The following CDH18 variants were observed in gnomAD, a reference collection of about 807,000 sequenced individuals.
CDH18 encodes the protein cadherin 18, also known as cadherin-18.
A neutral mutation model predicts 67.9 loss-of-function variants in CDH18; 31 were observed. The observed-to-expected ratio is 0.46, with a 90% CI of 0.34 to 0.62. The LOEUF is 0.62. Among genes scored for constraint, CDH18 ranks in the 20% least tolerant of loss-of-function variants. The pLI, the probability that CDH18 is intolerant of heterozygous loss-of-function variation, is 0.01. For missense variants in CDH18, 890 were observed against 975.5 expected (o/e 0.91, Z 1.17); for synonymous variants, 362 against 347.2 (o/e 1.04, Z -0.48).
At chr5:19,756,871 T>C (rs142493843) in intron 3 of CDH18, among the ~76,000 whole-genome samples, 16 of 152,308 alleles carry the variant, frequency 1.1e-4, no homozygotes, top group African/African-American at 3.8e-4. Context: ...CTTCTATTCC[T>C]TGATTCCCGG....
intron 5 of CDH18, among the ~76,000 whole-genome samples, chr5:19,695,096 TCTGGTGCAGGA>T (rs914600966): frequency 6.6e-6 from 1 of 152,102 alleles, no homozygotes; most frequent in African/African-American, 2.4e-5. Context: ...ACGAGTTTTT[TCTGGTGCAGGA>T]CTGTGTGCAC....
intron 10 of CDH18, among the ~76,000 whole-genome samples, chr5:19,504,579 A>C (rs1743787278): frequency 6.6e-6 from 1 of 152,102 alleles, no homozygotes. Context: ...TTAGTTACTT[A>C]ATACAAAATT....
chr5:19,974,887 G>A (rs984943540), intron 2 of CDH18, among the ~76,000 whole-genome samples: 2 of 152,064 alleles, frequency 1.3e-5, no homozygotes, highest in African/African-American at 4.8e-5. Context: ...AGGAAAGCTG[G>A]GCATGCTCCA....
chr5:19,597,390 A>T (rs549651945), intron 6 of CDH18, among the ~76,000 whole-genome samples: 16 of 152,334 alleles, frequency 1.1e-4, no homozygotes, highest in African/African-American at 3.8e-4. Flanking sequence ...TTTGCAACAC[A>T]GGCATAGATA....
intron 2 of CDH18, among the ~76,000 whole-genome samples, chr5:20,114,495 G>T (rs930702584): frequency 2.6e-5 from 4 of 152,108 alleles, no homozygotes; most frequent in African/African-American, 9.7e-5. Context: ...GAAGCAGGGA[G>T]AAGTCTAGAA....
chr5:20,194,192 T>A (rs12655641), intron 2 of CDH18, among the ~76,000 whole-genome samples: 77,353 of 151,918 alleles, frequency 0.51, 20,073 homozygotes, highest in Middle Eastern at 0.65. Context: ...TTTTTACAGA[T>A]GACATAATTT....
chr5:19,517,171 T>C (rs779611233), intron 10 of CDH18, among the ~76,000 whole-genome samples: 2 of 152,154 alleles, frequency 1.3e-5, no homozygotes, highest in Non-Finnish European at 2.9e-5. Context: ...TGTAGCGATA[T>C]CACATTGTAG....
chr5:19,927,703 A>G (rs1193329523), intron 2 of CDH18, among the ~76,000 whole-genome samples: 1 of 152,162 alleles, frequency 6.6e-6, no homozygotes, highest in Non-Finnish European at 1.5e-5. Flanking sequence ...ATGTATAAAA[A>G]TATTTCATTT....
intron 2 of CDH18, among the ~76,000 whole-genome samples, chr5:20,035,194 T>C (rs1273043996): frequency 5.3e-5 from 8 of 152,068 alleles, no homozygotes; most frequent in Non-Finnish European, 1.5e-5. Flanking sequence ...AGTGCAGTAT[T>C]AGCCATTAAA....
intron 10 of CDH18, among the ~76,000 whole-genome samples, chr5:19,506,800 C>T (rs902333836): frequency 3.9e-5 from 6 of 152,098 alleles, no homozygotes; most frequent in Non-Finnish European, 7.4e-5. Context: ...CCATAAAAAC[C>T]CTAGAAGAAA....
chr5:20,266,481 G>T (rs1745041983), intron 1 of CDH18, among the ~76,000 whole-genome samples: 1 of 151,190 alleles, frequency 6.6e-6, no homozygotes, highest in African/African-American at 2.4e-5. Context: ...TCACCTCACT[G>T]CAATCTCTGC....
intron 1 of CDH18, among the ~76,000 whole-genome samples, chr5:20,503,643 C>T (rs1754471357): frequency 6.6e-6 from 1 of 152,162 alleles, no homozygotes; most frequent in Admixed American, 6.6e-5. Context: ...AGGCAATAGC[C>T]TTCTGAGAGG....
intron 2 of CDH18, among the ~76,000 whole-genome samples, chr5:20,138,797 G>A (rs545517626): frequency 6.0e-4 from 92 of 152,210 alleles, no homozygotes; most frequent in African/African-American, 2.0e-3. Context: ...ACAAACCACT[G>A]CTCAATGAAA....
intron 10 of CDH18, among the ~76,000 whole-genome samples, chr5:19,516,099 G>A (rs1337532924): frequency 2.6e-5 from 4 of 152,078 alleles, no homozygotes; most frequent in East Asian, 3.9e-4. Context: ...TGCATCTATC[G>A]AGATAATTAT....
chr5:20,524,699 C>T (rs1011448083), intron 1 of CDH18, among the ~76,000 whole-genome samples: 1 of 152,100 alleles, frequency 6.6e-6, no homozygotes. Context: ...CACTTGGCAG[C>T]TAGATACTAG....
chr5:19,746,152 T>A (rs1769970150), intron 4 of CDH18, among the ~76,000 whole-genome samples: 1 of 152,016 alleles, frequency 6.6e-6, no homozygotes, highest in African/African-American at 2.4e-5. Flanking sequence ...AATCATCCCA[T>A]GAAATGAAAA....
At chr5:19,728,702 G>T (rs1431831501) in intron 4 of CDH18, among the ~76,000 whole-genome samples, 2 of 152,158 alleles carry the variant, frequency 1.3e-5, no homozygotes, top group South Asian at 2.1e-4. Flanking sequence ...AAATTGTTAT[G>T]CATGACTTGT....
chr5:19,691,123 A>C (rs1011037435), intron 5 of CDH18, among the ~76,000 whole-genome samples: 1 of 151,760 alleles, frequency 6.6e-6, no homozygotes, highest in Non-Finnish European at 1.5e-5. Flanking sequence ...ATTGTTTAAC[A>C]TATGCAAATC....
intron 2 of CDH18, among the ~76,000 whole-genome samples, chr5:20,087,479 G>T (rs1278704537): frequency 3.4e-5 from 2 of 58,462 alleles, no homozygotes; most frequent in South Asian, 7.3e-4. Flanking sequence ...ATTTTTGTGG[G>T]GAAAAAAAAA....
Sources: allele counts gnomAD v4.1 joint callset (sites outside exome capture counted in the v4.1 genomes callset), GRCh38; gene constraint gnomAD v4.1.1; transcripts MANE v1.5; gene names NCBI Gene and HGNC (gene_info 2026-07-23, HGNC 2026-07-21).